The following DDX6 variants were observed in gnomAD, a reference collection of about 807,000 sequenced individuals.
The protein encoded by DDX6 is DEAD-box helicase 6.
A neutral mutation model predicts 60.6 loss-of-function variants in DDX6; 7 were observed. That is an observed-to-expected ratio of 0.12 (90% CI 0.07 to 0.22). The LOEUF (loss-of-function observed/expected upper bound fraction) is 0.22. Ranked by LOEUF, DDX6 falls within the 10% of genes least tolerant of loss-of-function variation. The pLI is 1.00. For missense variants in DDX6, 270 were observed against 589.9 expected (o/e 0.46, Z 5.62); for synonymous variants, 207 against 201.0 (o/e 1.03, Z -0.25).
chr11:118,759,657 A>G (rs1178746902), intron 8 of DDX6, among the ~76,000 whole-genome samples: 1 of 152,252 alleles, frequency 6.6e-6, no homozygotes, highest in Non-Finnish European at 1.5e-5. Flanking sequence ...ACCGGAATCA[A>G]TTCAGCTAGC....
At chr11:118,787,005 G>C (rs1862096534) in intron 1 of DDX6, 1 of 152,056 alleles carries the variant, frequency 6.6e-6, no homozygotes, top group African/African-American at 2.4e-5. Flanking sequence ...CACACTTCCA[G>C]AAAAAAACAC....
chr11:118,767,964 T>C (rs1861412194), intron 5 of DDX6: 2 of 338,864 alleles, frequency 5.9e-6, no homozygotes, highest in South Asian at 7.8e-5. Context: ...GCACTAATAC[T>C]TATTTTTCCT....
At chr11:118,753,097 C>T (rs1415306316) in intron 13 of DDX6, among the ~76,000 whole-genome samples, 1 of 152,148 alleles carries the variant, frequency 6.6e-6, no homozygotes, top group South Asian at 2.1e-4. Context: ...GGCATGACCT[C>T]GGCTCACTGC....
intron 5 of DDX6, among the ~76,000 whole-genome samples, 155 bp from the exon 6 acceptor site, chr11:118,765,510 C>G (rs1380141278): frequency 5.3e-5 from 8 of 152,182 alleles, no homozygotes; most frequent in African/African-American, 1.7e-4. Context: ...TGCAGTGGCT[C>G]ACGCCTGTAA....
chr11:118,785,791 G>C, intron 2 of DDX6: 1 of 328,620 alleles, frequency 3.0e-6, no homozygotes, highest in Non-Finnish European at 5.5e-6. Context: ...CACTAATTAT[G>C]AAAGCCAGAA....
chr11:118,789,727 C>G (rs939891693), intron 1 of DDX6: 3 of 152,196 alleles, frequency 2.0e-5, no homozygotes, highest in African/African-American at 7.2e-5. Flanking sequence ...AGGGCAACCT[C>G]TAAAGACCGA....
At chr11:118,771,526 T>G (rs1287536936) in intron 4 of DDX6, among the ~76,000 whole-genome samples, 1 of 152,194 alleles carries the variant, frequency 6.6e-6, no homozygotes, top group Admixed American at 6.5e-5. Context: ...CTTACCAGTG[T>G]TTCTCAGGAA....
Position 118,757,306 on chromosome 11 carries a change from A to G in DDX6, c.994-19T>C. 7.3e-7 allele frequency: 1 copy of G among 1,361,368 alleles called. No homozygotes were observed. Among genetic ancestry groups the G allele is most frequent in the Non-Finnish European group, 9.9e-7 (1 of 1,014,752 alleles). 84.3% of individuals were successfully genotyped at this position (1,361,368 alleles called of 1,614,324 possible). ...TCTGAAGCTGAGCACAGAAAAAAATAAGTATGAGAAAAATAAAAAAAACCT... is the reference window on the plus strand; with the variant it reads ...TCTGAAGCTGAGCACAGAAAAAAATGAGTATGAGAAAAATAAAAAAAACCT... On this transcript the variant is annotated intron_variant, in intron 9 of 13. Transcript: ENST00000534980.
chr11:118,757,503 G>A lies in DDX6; in HGVS notation c.994-216C>T, dbSNP rs1861017712. Among the ~76,000 whole-genome samples the A allele has an allele frequency of 2.0e-5, 3 of 151,966 alleles. No homozygotes were observed. In the South Asian group the frequency reaches 6.2e-4, roughly 32 times the overall value. On this transcript the variant is annotated intron_variant, in intron 9 of 13. Transcript: ENST00000534980. ...ACCGTATTAGAGTATATTTCTTAAGGGCCACATAACTGTCAACAAGAGTAA... is the reference window on the plus strand; with the variant it reads ...ACCGTATTAGAGTATATTTCTTAAGAGCCACATAACTGTCAACAAGAGTAA...
At chr11:118,762,517 C>T (rs1294434463) in intron 7 of DDX6, among the ~76,000 whole-genome samples, 1 of 151,644 alleles carries the variant, frequency 6.6e-6, no homozygotes. Context: ...TCACCTGCAA[C>T]GCCGTATACT....
At chr11:118,770,198 G>C (rs1007844201) in intron 4 of DDX6, among the ~76,000 whole-genome samples, 1 of 151,562 alleles carries the variant, frequency 6.6e-6, no homozygotes. Flanking sequence ...GCTAATTCTT[G>C]TATTTTTAGT....
chr11:118,759,118 G>A (rs1248132144), intron 8 of DDX6: 1 of 496,470 alleles, frequency 2.0e-6, no homozygotes, highest in Non-Finnish European at 3.4e-6. Flanking sequence ...GGAGTGTAGT[G>A]GCACGATCTC....
intron 7 of DDX6, among the ~76,000 whole-genome samples, chr11:118,760,585 G>T (rs1328128327): frequency 2.0e-5 from 3 of 152,166 alleles, no homozygotes; most frequent in African/African-American, 7.2e-5. Flanking sequence ...CACTTTGGGA[G>T]GCCGAGGCGG....
At chr11:118,764,369 T>G (rs1355356377) in intron 6 of DDX6, among the ~76,000 whole-genome samples, 1 of 152,186 alleles carries the variant, frequency 6.6e-6, no homozygotes, top group Non-Finnish European at 1.5e-5. Flanking sequence ...CCTATTCAGA[T>G]TATACCTTAA....
chr11:118,757,152 G>T lies in DDX6; in HGVS notation c.1110+19C>A. 8.1e-7 allele frequency: 1 copy of T among 1,227,780 alleles called. No individual in the cohort carries two copies. Among genetic ancestry groups the T allele is most frequent in the Non-Finnish European group, 1.1e-6 (1 of 885,770 alleles). 76.1% of individuals were successfully genotyped at this position (1,227,780 alleles called of 1,614,324 possible). A position where few individuals can be genotyped will look rare whatever the true frequency, so the allele number is the denominator to read the frequency against. On this transcript the variant is annotated intron_variant, in intron 10 of 13. Coordinates refer to ENST00000534980, the MANE Select transcript of DDX6 (RefSeq NM_004397.6). ...GAGATTTCTTATTAAATTTGTGCAA[G>T]TTCTAGTTTTATACTCACCTGCCTC...
In DDX6 at chr11:118,762,782, A is replaced by G. The variant is rs376073197; in HGVS notation, c.741+430T>C. 9.8e-5 allele frequency among the ~76,000 whole-genome samples: 15 copies of G among 152,362 alleles called. 1 individual carries two copies. Among genetic ancestry groups the G allele is most frequent in the South Asian group, 2.1e-4 (1 of 4,832 alleles). ...CTAGATCCCAGGACTACAGATTTTA[A>G]TAAGTTTTTAAAAGGCATTTATAAC... On this transcript the variant is annotated intron_variant, in intron 7 of 13. Transcript: ENST00000534980.
Position 118,748,195 on chromosome 11 carries a change from C to G in DDX6, c.*3910G>C, listed in dbSNP as rs1291502141. On this transcript the variant is annotated 3_prime_UTR_variant, in exon 14 of 14. Transcript: ENST00000534980. Reference sequence around the variant, plus strand: ...CAGCCCTACCCCCTCCCTTACCCAGCATTGTCTACTGGAGAATTTAAATAC... The same window carrying G: ...CAGCCCTACCCCCTCCCTTACCCAGGATTGTCTACTGGAGAATTTAAATAC... 2.0e-5 allele frequency: 3 copies of G among 152,142 alleles called. No homozygotes were observed. Among genetic ancestry groups the G allele is most frequent in the Non-Finnish European group, 4.4e-5 (3 of 68,034 alleles). 9.4% of individuals were successfully genotyped at this position (152,142 alleles called of 1,614,324 possible).
intron 4 of DDX6, among the ~76,000 whole-genome samples, chr11:118,773,818 G>A (rs1348882923): frequency 2.0e-5 from 3 of 151,032 alleles, no homozygotes; most frequent in Admixed American, 6.6e-5. Context: ...CTGAGACTCT[G>A]TCTCCCCGAC....
intron 6 of DDX6, 72 bp downstream of exon 6, chr11:118,765,137 T>C: frequency 6.5e-7 from 1 of 1,550,266 alleles, no homozygotes; most frequent in South Asian, 1.2e-5. Context: ...AAAACAATTT[T>C]TAATAATTTA....
Sources: allele counts gnomAD v4.1 joint callset (sites outside exome capture counted in the v4.1 genomes callset), GRCh38; gene constraint gnomAD v4.1.1; transcripts MANE v1.5; gene names NCBI Gene and HGNC (gene_info 2026-07-23, HGNC 2026-07-21).